Variants in LSAMP observed in about 807,000 individuals in gnomAD.
LSAMP encodes the protein limbic system associated membrane protein.
A neutral mutation model predicts 38.6 loss-of-function variants in LSAMP; 7 were observed. The ratio of observed to expected loss-of-function variants is 0.18; its 90% CI spans 0.10 to 0.34. The LOEUF is 0.34. Ranked by LOEUF, LSAMP falls within the 10% of genes least tolerant of loss-of-function variation. The pLI is 1.00. For synonymous variants in LSAMP, 154 were observed against 166.8 expected (o/e 0.92, Z 0.59); for missense variants, 313 against 420.0 (o/e 0.75, Z 2.23).
chr3:116,109,035 A>G (rs57380686), intron 1 of LSAMP, among the ~76,000 whole-genome samples: 9,756 of 152,240 alleles, frequency 0.064, 1,015 homozygotes, highest in African/African-American at 0.22. Context: ...TATTGAGAAT[A>G]AGACGGCCTT....
In LSAMP at chr3:116,196,277, C is replaced by G. The variant is rs1409617555; in HGVS notation, c.156-109721G>C. On this transcript the variant is annotated intron_variant, in intron 1 of 6. Transcript: ENST00000490035. ...GTTAGGCTTCATTTCATTATAGCAA[C>G]TAGAATAATTCCTGGCTCTAAGTCT... 1.3e-5 allele frequency among the ~76,000 whole-genome samples: 2 copies of G among 152,124 alleles called. 1 individual carries two copies. Among genetic ancestry groups the G allele is most frequent in the South Asian group, 4.1e-4 (2 of 4,824 alleles).
intron 2 of LSAMP, among the ~76,000 whole-genome samples, chr3:116,069,608 G>A (rs1285450174): frequency 2.0e-5 from 3 of 152,120 alleles, no homozygotes; most frequent in Non-Finnish European, 2.9e-5. Context: ...GTTAGAGAAG[G>A]TAAGGAGGCA....
At chr3:115,960,796 A>T (rs926551098) in intron 3 of LSAMP, among the ~76,000 whole-genome samples, 5 of 152,250 alleles carry the variant, frequency 3.3e-5, no homozygotes, top group Non-Finnish European at 7.3e-5. Flanking sequence ...TCTGAAATCA[A>T]CTGTTAATAA....
intron 3 of LSAMP, among the ~76,000 whole-genome samples, chr3:115,997,583 A>G (rs1378886664): frequency 1.3e-5 from 2 of 150,904 alleles, no homozygotes; most frequent in Non-Finnish European, 2.9e-5. Flanking sequence ...GGTACAGTAC[A>G]GAAGGCATAG....
At chr3:116,029,087 A>C (rs531344279) in intron 2 of LSAMP, among the ~76,000 whole-genome samples, 1 of 152,144 alleles carries the variant, frequency 6.6e-6, no homozygotes, top group Non-Finnish European at 1.5e-5. Context: ...AATTTTACAT[A>C]CTTTGTCATG....
At chr3:115,946,350 A>G (rs1258468783) in intron 3 of LSAMP, among the ~76,000 whole-genome samples, 2 of 152,168 alleles carry the variant, frequency 1.3e-5, no homozygotes, top group African/African-American at 4.8e-5. Context: ...AAAGGAATGG[A>G]GTGTTACCAA....
intron 1 of LSAMP, among the ~76,000 whole-genome samples, chr3:116,347,308 G>A (rs983009090): frequency 6.6e-6 from 1 of 152,078 alleles, no homozygotes; most frequent in African/African-American, 2.4e-5. Flanking sequence ...CCCTTAACTT[G>A]AAGAAGTATT....
At chr3:116,019,071 C>T (rs893984568) in intron 3 of LSAMP, among the ~76,000 whole-genome samples, 1 of 149,114 alleles carries the variant, frequency 6.7e-6, no homozygotes, top group Non-Finnish European at 1.5e-5. Context: ...CAAAATATTG[C>T]CCCAAGACAC....
At chr3:115,966,595 G>T (rs149745258) in intron 3 of LSAMP, among the ~76,000 whole-genome samples, 58 of 152,180 alleles carry the variant, frequency 3.8e-4, no homozygotes, top group African/African-American at 1.4e-3. Context: ...TAACACCATG[G>T]TTCTAAGACC....
chr3:116,167,721 T>C (rs1710094302), intron 1 of LSAMP, among the ~76,000 whole-genome samples: 1 of 152,230 alleles, frequency 6.6e-6, no homozygotes, highest in South Asian at 2.1e-4. Flanking sequence ...AGAAACATTT[T>C]GGCATATGCT....
intron 1 of LSAMP, among the ~76,000 whole-genome samples, chr3:116,198,943 G>A (rs1209996499): frequency 6.6e-6 from 1 of 151,828 alleles, no homozygotes; most frequent in Non-Finnish European, 1.5e-5. Context: ...AATTAGCTGG[G>A]CATGATGGTG....
At chr3:116,288,585 C>T (rs1219188159) in intron 1 of LSAMP, among the ~76,000 whole-genome samples, 3 of 152,194 alleles carry the variant, frequency 2.0e-5, no homozygotes, top group African/African-American at 7.2e-5. Context: ...ATGCTGTTCT[C>T]TCCCTCACAA....
intron 1 of LSAMP, among the ~76,000 whole-genome samples, chr3:116,249,626 C>T (rs535431581): frequency 5.3e-5 from 8 of 151,840 alleles, no homozygotes; most frequent in African/African-American, 1.2e-4. Context: ...CCTCGTGATC[C>T]GCCCGCCTCA....
chr3:115,811,540 C>A (rs1307551520), intron 6 of LSAMP, among the ~76,000 whole-genome samples: 1 of 149,822 alleles, frequency 6.7e-6, no homozygotes, highest in Non-Finnish European at 1.5e-5. Context: ...TTTGAGAGTG[C>A]GTATGCAGAT....
intron 3 of LSAMP, among the ~76,000 whole-genome samples, chr3:115,889,146 G>A (rs1413261116): frequency 6.6e-6 from 1 of 151,886 alleles, no homozygotes; most frequent in East Asian, 1.9e-4. Flanking sequence ...TCCAGTACAG[G>A]GCTGGAATGG....
intron 3 of LSAMP, among the ~76,000 whole-genome samples, chr3:115,953,982 GC>G (rs1938375379): frequency 6.6e-6 from 1 of 152,084 alleles, no homozygotes; most frequent in South Asian, 2.1e-4. Flanking sequence ...TAAAGCAAAT[GC>G]CCCTGCACTC....
rs148208250 is a variant in LSAMP at position 115,953,764 on chromosome 3, A to G, written c.514+65751T>C. ...TGCCTACTTCTCCAAAGTCTTTTTC[A>G]TAAGAGGGAGTCCTCTCACTGTGCT... On this transcript the variant is annotated intron_variant, in intron 3 of 6. Coordinates refer to ENST00000490035, the MANE Select transcript of LSAMP (RefSeq NM_002338.5). Among the ~76,000 whole-genome samples, 876 of 152,318 alleles carry G rather than the reference A, an allele frequency of 5.8e-3. 13 individuals are homozygous for G. The highest frequency in any genetic ancestry group is 0.02 in the African/African-American group (844 of 41,566).
chr3:116,413,812 A>G (rs888578430), intron 1 of LSAMP, among the ~76,000 whole-genome samples: 2 of 152,030 alleles, frequency 1.3e-5, no homozygotes, highest in East Asian at 1.9e-4. Context: ...GACAGAAGCA[A>G]AAGTCTTCCT....
At chr3:116,318,177 T>G (rs2047658914) in intron 1 of LSAMP, among the ~76,000 whole-genome samples, 1 of 151,048 alleles carries the variant, frequency 6.6e-6, no homozygotes, top group South Asian at 2.1e-4. Flanking sequence ...CAACGTGCAC[T>G]CTTATCTCTG....
Sources: gnomAD v4.1 joint callset for allele counts (sites outside exome capture counted in the v4.1 genomes callset) on GRCh38, gnomAD v4.1.1 for gene constraint, MANE v1.5 for transcripts, NCBI Gene and HGNC (gene_info 2026-07-23, HGNC 2026-07-21) for gene names.